Variants in FILIP1L observed in about 807,000 individuals in gnomAD.
The protein encoded by FILIP1L is filamin A interacting protein 1 like, also known as filamin A-interacting protein 1-like.
A neutral mutation model predicts 96.6 loss-of-function variants in FILIP1L; 55 were observed. The ratio of observed to expected loss-of-function variants is 0.57; its 90% confidence interval spans 0.46 to 0.71. The LOEUF (loss-of-function observed/expected upper bound fraction) is 0.71, where lower values mean the gene tolerates loss of function less well. FILIP1L is among the 30% of genes least tolerant of loss of function. The pLI is 0.00. For missense variants in FILIP1L, 1,304 were observed against 1,321.2 expected (o/e 0.99, Z 0.20); for synonymous variants, 467 against 473.9 (o/e 0.99, Z 0.19).
Position 99,849,415 on chromosome 3 carries a change from T to C in FILIP1L, c.2261A>G (p.Glu754Gly). 1.2e-6 allele frequency: 2 copies of C among 1,614,220 alleles called. No individual in the cohort carries two copies. Among genetic ancestry groups the C allele is most frequent in the African/African-American group, 1.3e-5 (1 of 75,072 alleles). The change falls in exon 5 of 6, where the codon GAA becomes GGA. Residue 754 changes from glutamate to glycine, a missense_variant. Glu to Gly is a moderately conservative substitution (Grantham distance 98). Transcript: ENST00000477258. ...TCTTCCTAAATCTCTGTTCCTGTTTTCTTGTTGATTTAGTTTTTTTTGCAG... is the reference window on the plus strand; with the variant it reads ...TCTTCCTAAATCTCTGTTCCTGTTTCCTTGTTGATTTAGTTTTTTTTGCAG... ...SVLQKKLNQQ[E>G]NRNRDLGREI...
chr3:99,908,174 G>A (rs1005866760), intron 4 of FILIP1L, among the ~76,000 whole-genome samples: 1 of 152,168 alleles, frequency 6.6e-6, no homozygotes, highest in Non-Finnish European at 1.5e-5. Flanking sequence ...CATAGCCCAT[G>A]CAGCTGGATA....
intron 1 of FILIP1L, among the ~76,000 whole-genome samples, chr3:99,957,249 G>A (rs1417408830): frequency 6.6e-6 from 1 of 152,082 alleles, no homozygotes; most frequent in Non-Finnish European, 1.5e-5. Flanking sequence ...AGTAGTAACA[G>A]CAGCGAATGA....
At chr3:99,912,882 G>C (rs1294387538) in intron 4 of FILIP1L, among the ~76,000 whole-genome samples, 2 of 152,168 alleles carry the variant, frequency 1.3e-5, no homozygotes, top group Non-Finnish European at 2.9e-5. Context: ...TAGAATTGCT[G>C]AGTTGTATGG....
chr3:99,932,953 T>TA (rs1707533557), intron 1 of FILIP1L, among the ~76,000 whole-genome samples: 1 of 152,198 alleles, frequency 6.6e-6, no homozygotes, highest in Admixed American at 6.5e-5. Context: ...AGGGAGCACT[T>TA]ACTATGTGTG....
chr3:99,906,109 G>T (rs551736775), intron 4 of FILIP1L, among the ~76,000 whole-genome samples: 1 of 152,164 alleles, frequency 6.6e-6, no homozygotes, highest in African/African-American at 2.4e-5. Flanking sequence ...TGGGAGGATC[G>T]CTTGAGCCCA....
At chr3:99,926,064 G>A (rs539600212) in intron 3 of FILIP1L, among the ~76,000 whole-genome samples, 75 of 152,296 alleles carry the variant, frequency 4.9e-4, no homozygotes, top group African/African-American at 1.7e-3. Flanking sequence ...TTTACAGTTT[G>A]CCTTTGTCAT....
intron 4 of FILIP1L, among the ~76,000 whole-genome samples, chr3:99,882,791 A>C (rs1705771350): frequency 6.6e-6 from 1 of 152,238 alleles, no homozygotes; most frequent in Non-Finnish European, 1.5e-5. Context: ...TACTAACTGC[A>C]AAACTAATTT....
intron 4 of FILIP1L, among the ~76,000 whole-genome samples, chr3:99,890,265 G>T (rs995461759): frequency 2.0e-5 from 3 of 151,750 alleles, no homozygotes; most frequent in Admixed American, 6.6e-5. Context: ...TTTTTTCCCT[G>T]GCTGTTTTTA....
intron 1 of FILIP1L, among the ~76,000 whole-genome samples, chr3:99,953,047 GA>G (rs59369223): frequency 0.015 from 2,246 of 152,204 alleles, 57 homozygotes; most frequent in African/African-American, 0.052. Context: ...TCAAGTGCCA[GA>G]ACTTTTTTAA....
At chr3:100,054,500 A>ATGTT (rs1413279337) in intron 1 of FILIP1L, among the ~76,000 whole-genome samples, 1 of 131,170 alleles carries the variant, frequency 7.6e-6, no homozygotes, top group African/African-American at 2.7e-5. Flanking sequence ...TTGTTATGTT[A>ATGTT]TGTTATGTTA....
At chr3:99,841,806 T>A (rs1406665161) in intron 5 of FILIP1L, among the ~76,000 whole-genome samples, 1 of 152,172 alleles carries the variant, frequency 6.6e-6, no homozygotes, top group Non-Finnish European at 1.5e-5. Flanking sequence ...CCTGCAAGAA[T>A]GGCCATAATC....
In FILIP1L at chr3:99,850,651, CTGTT is replaced by C. The variant is rs958089345; in HGVS notation, c.1021_1024del (p.Asn341GlyfsTer13). On this transcript the variant is annotated frameshift_variant, in exon 5 of 6. Coordinates refer to ENST00000477258, the MANE Select transcript of FILIP1L (RefSeq NM_001387850.1). LOFTEE classifies it high-confidence loss of function. ...CTCCTCTTCTGCTTTTCGTAAAGAC[CTGTT>C]TGTCTCTTCTAACTCATCAATCTGC... is the stretch of plus-strand genomic sequence containing the variant. 1 of 1,613,998 alleles carries C rather than the reference CTGTT, an allele frequency of 6.2e-7. No individual in the cohort carries two copies. The highest frequency in any genetic ancestry group is 1.7e-5 in the Admixed American group (1 of 60,008).
chr3:99,881,338 A>G (rs1421902839), intron 4 of FILIP1L, among the ~76,000 whole-genome samples: 3 of 152,158 alleles, frequency 2.0e-5, no homozygotes, highest in Non-Finnish European at 2.9e-5. Flanking sequence ...GTAACTAATA[A>G]TAGTTTTGAG....
intron 1 of FILIP1L, among the ~76,000 whole-genome samples, chr3:100,060,312 C>T (rs1470166901): frequency 1.3e-5 from 2 of 152,114 alleles, no homozygotes; most frequent in Non-Finnish European, 2.9e-5. Context: ...TGCCTTAGTA[C>T]TTTAACTGTT....
intron 1 of FILIP1L, among the ~76,000 whole-genome samples, chr3:100,013,424 A>G (rs962085205): frequency 6.7e-6 from 1 of 150,142 alleles, no homozygotes; most frequent in Non-Finnish European, 1.5e-5. Flanking sequence ...TTATATTTTT[A>G]GTAGAGACCG....
At chr3:99,938,678 C>T (rs1258325070) in intron 1 of FILIP1L, among the ~76,000 whole-genome samples, 1 of 152,058 alleles carries the variant, frequency 6.6e-6, no homozygotes, top group Non-Finnish European at 1.5e-5. Context: ...TGGTTGGCCC[C>T]TTTAATATTA....
At chr3:99,935,251 G>T (rs887604128) in intron 1 of FILIP1L, among the ~76,000 whole-genome samples, 2 of 116,110 alleles carry the variant, frequency 1.7e-5, no homozygotes, top group African/African-American at 3.4e-5. Context: ...AGTGGTTTGG[G>T]ATTTTCAGGG....
At chr3:100,045,587 A>G (rs1158862964) in intron 1 of FILIP1L, among the ~76,000 whole-genome samples, 2 of 152,058 alleles carry the variant, frequency 1.3e-5, no homozygotes, top group Admixed American at 1.3e-4. Context: ...TAAATGGGAC[A>G]TTTGGACCCA....
At chr3:100,014,245 A>G (rs982570065) in intron 1 of FILIP1L, among the ~76,000 whole-genome samples, 11 of 151,650 alleles carry the variant, frequency 7.3e-5, no homozygotes, top group Non-Finnish European at 1.0e-4. Flanking sequence ...TCATCTGTCA[A>G]TGGACACCTA....
Sources: gnomAD v4.1 joint callset for allele counts (sites outside exome capture counted in the v4.1 genomes callset) on GRCh38, gnomAD v4.1.1 for gene constraint, MANE v1.5 for transcripts, NCBI Gene and HGNC (gene_info 2026-07-23, HGNC 2026-07-21) for gene names.